The following UBE3D variants were observed in gnomAD, a reference collection of about 807,000 sequenced individuals.
UBE3D encodes ubiquitin protein ligase E3D.
UBE3D carries 48 observed loss-of-function variants against 49.6 expected under a neutral mutation model. That is an observed-to-expected ratio of 0.97 (90% CI 0.77 to 1.23). UBE3D has a LOEUF of 1.23. Ranked by LOEUF, UBE3D falls within the 50% of genes most tolerant of loss-of-function variation. The pLI is 0.00. For synonymous variants in UBE3D, 189 were observed against 174.2 expected, an observed-to-expected ratio of 1.08 and a Z score of -0.67; for missense variants, 452 against 468.4, an observed-to-expected ratio of 0.96 and a Z score of 0.32.
chr6:82,970,506 A>T (rs1777267764), intron 8 of UBE3D, among the ~76,000 whole-genome samples: 1 of 152,200 alleles, frequency 6.6e-6, no homozygotes, highest in Non-Finnish European at 1.5e-5. Flanking sequence ...TTTTTAAACC[A>T]TTTTGAAGGT....
intron 9 of UBE3D, among the ~76,000 whole-genome samples, chr6:82,917,547 A>G (rs1773013127): frequency 6.6e-6 from 1 of 152,226 alleles, no homozygotes; most frequent in Non-Finnish European, 1.5e-5. Context: ...CAGGTGCAGT[A>G]AGTACATATT....
At chr6:83,062,669 G>A (rs1784241957) in intron 1 of UBE3D, among the ~76,000 whole-genome samples, 1 of 152,134 alleles carries the variant, frequency 6.6e-6, no homozygotes, top group African/African-American at 2.4e-5. Context: ...TTTAAAACTA[G>A]CATACAGTTT....
At chr6:82,932,316 T>C (rs1331487208) in intron 9 of UBE3D, among the ~76,000 whole-genome samples, 1 of 152,166 alleles carries the variant, frequency 6.6e-6, no homozygotes, top group African/African-American at 2.4e-5. Flanking sequence ...CATTAAATGA[T>C]ACCTATCCTT....
intron 8 of UBE3D, among the ~76,000 whole-genome samples, chr6:83,006,133 G>T (rs1779962742): frequency 1.3e-5 from 2 of 152,114 alleles, no homozygotes; most frequent in Non-Finnish European, 2.9e-5. Flanking sequence ...GCTGAGGCAG[G>T]AGAACCACTT....
intron 4 of UBE3D, among the ~76,000 whole-genome samples, chr6:83,041,972 C>A (rs187825881): frequency 3.3e-3 from 508 of 151,994 alleles, no homozygotes; most frequent in Middle Eastern, 6.8e-3. Flanking sequence ...TGCAGTGGTG[C>A]AATCTTGGCT....
At chr6:82,970,210 A>G (rs1777247013) in intron 8 of UBE3D, among the ~76,000 whole-genome samples, 1 of 150,796 alleles carries the variant, frequency 6.6e-6, no homozygotes, top group Admixed American at 6.6e-5. Context: ...CTCATCTGGA[A>G]GAAAATAAAT....
intron 8 of UBE3D, among the ~76,000 whole-genome samples, chr6:82,960,001 G>C (rs910836772): frequency 3.9e-5 from 6 of 152,118 alleles, no homozygotes; most frequent in Non-Finnish European, 7.4e-5. Flanking sequence ...GTTCCTCCTT[G>C]GGGACATGCA....
chr6:83,040,401 C>A (rs867193140), intron 4 of UBE3D, among the ~76,000 whole-genome samples: 3,638 of 137,234 alleles, frequency 0.027, 81 homozygotes, highest in African/African-American at 0.064. Flanking sequence ...CTCTCTCTCT[C>A]TCTATATATA....
chr6:82,971,049 A>G (rs1318428596), intron 8 of UBE3D, among the ~76,000 whole-genome samples: 1 of 152,134 alleles, frequency 6.6e-6, no homozygotes, highest in Non-Finnish European at 1.5e-5. Flanking sequence ...TTCACTTAGC[A>G]TAATGTTTTC....
chr6:82,981,368 T>C (rs1477278079), intron 8 of UBE3D, among the ~76,000 whole-genome samples: 1 of 152,134 alleles, frequency 6.6e-6, no homozygotes, highest in Non-Finnish European at 1.5e-5. Flanking sequence ...ATTTCTGCTC[T>C]CTTAAGAATA....
At chr6:82,902,905 A>T (rs949012363) in intron 9 of UBE3D, among the ~76,000 whole-genome samples, 2 of 152,208 alleles carry the variant, frequency 1.3e-5, no homozygotes, top group Non-Finnish European at 2.9e-5. Flanking sequence ...ATCTAATTTA[A>T]TTCTACCCAA....
At chr6:83,021,061 A>G (rs140937366) in intron 7 of UBE3D, among the ~76,000 whole-genome samples, 9 of 152,274 alleles carry the variant, frequency 5.9e-5, no homozygotes, top group African/African-American at 2.2e-4. Context: ...TGCTGGGATG[A>G]TTGCTAGCCA....
intron 9 of UBE3D, among the ~76,000 whole-genome samples, chr6:82,913,828 T>C (rs1772707415): frequency 6.6e-6 from 1 of 152,224 alleles, no homozygotes; most frequent in African/African-American, 2.4e-5. Context: ...ATGTCAATAT[T>C]GACCTGCTTA....
At chr6:82,959,115 C>T (rs925445886) in intron 8 of UBE3D, among the ~76,000 whole-genome samples, 2 of 151,704 alleles carry the variant, frequency 1.3e-5, no homozygotes, top group South Asian at 2.1e-4. Context: ...GAATCTTGAT[C>T]GCTTGCTGCA....
chr6:82,978,585 G>A (rs1434031123), intron 8 of UBE3D, among the ~76,000 whole-genome samples: 1 of 152,162 alleles, frequency 6.6e-6, no homozygotes, highest in East Asian at 1.9e-4. Context: ...TGTCTACCTA[G>A]CAGTTTGAGC....
At chr6:82,896,818 G>A (rs985958049) in intron 9 of UBE3D, among the ~76,000 whole-genome samples, 5 of 151,212 alleles carry the variant, frequency 3.3e-5, no homozygotes, top group African/African-American at 7.3e-5. Flanking sequence ...CTTGGCTCAC[G>A]GCAACCTCTG....
chr6:82,946,714 A>G (rs1268247378), intron 9 of UBE3D, among the ~76,000 whole-genome samples: 3 of 152,150 alleles, frequency 2.0e-5, no homozygotes, highest in Non-Finnish European at 4.4e-5. Flanking sequence ...GACATAGTAC[A>G]ATAAGATATA....
intron 8 of UBE3D, among the ~76,000 whole-genome samples, chr6:83,006,939 G>A (rs143158042): frequency 0.014 from 2,098 of 152,122 alleles, 30 homozygotes; most frequent in Middle Eastern, 0.037. Flanking sequence ...TTAAAATTAA[G>A]TAGAGTTTCA....
intron 5 of UBE3D, among the ~76,000 whole-genome samples, chr6:83,026,838 T>C (rs556112876): frequency 6.6e-6 from 1 of 152,162 alleles, no homozygotes; most frequent in Non-Finnish European, 1.5e-5. Context: ...ACTACAGGCA[T>C]GCACCACTAT....
Sources: gnomAD v4.1 joint callset for allele counts (sites outside exome capture counted in the v4.1 genomes callset) on GRCh38, gnomAD v4.1.1 for gene constraint, MANE v1.5 for transcripts, NCBI Gene and HGNC (gene_info 2026-07-23, HGNC 2026-07-21) for gene names.